The following GABBR2 variants were observed in gnomAD, a reference collection of about 807,000 sequenced individuals.
The protein encoded by GABBR2 is G-protein coupled receptor 51.
GABBR2 carries 23 observed loss-of-function variants against 105.6 expected under a neutral mutation model. That is an observed-to-expected ratio of 0.22 (90% CI 0.16 to 0.31). The LOEUF (loss-of-function observed/expected upper bound fraction) is 0.31. Among genes scored for constraint, GABBR2 ranks in the 10% least tolerant of loss-of-function variants. The pLI is 1.00. For synonymous variants in GABBR2, 478 were observed against 499.7 expected, an observed-to-expected ratio of 0.96 and a Z score of 0.58; for missense variants, 734 against 1,245.5, an observed-to-expected ratio of 0.59 and a Z score of 6.18.
chr9:98,357,747 A>G (rs1281723059), intron 13 of GABBR2, among the ~76,000 whole-genome samples: 2 of 152,202 alleles, frequency 1.3e-5, no homozygotes, highest in Non-Finnish European at 2.9e-5. Context: ...AATTTGAAGA[A>G]CAGAATTGCC....
At chr9:98,352,932 G>A (rs976920442) in intron 13 of GABBR2, among the ~76,000 whole-genome samples, 10 of 152,078 alleles carry the variant, frequency 6.6e-5, no homozygotes, top group African/African-American at 2.4e-4. Flanking sequence ...GGGCTTTTGG[G>A]CCCTAGAGCA....
Position 98,296,959 on chromosome 9 carries a change from C to T in GABBR2, c.2542+2265G>A, listed in dbSNP as rs144634577. ...GCATCAAACTGAGACAGGTCCTCCA[C>T]TCTCTGAGATTATTTTTTAAAAATT... is the stretch of plus-strand genomic sequence containing the variant. On this transcript the variant is annotated intron_variant, in intron 17 of 18. Transcript: ENST00000259455. Among the ~76,000 whole-genome samples, 183 of 152,228 alleles carry T rather than the reference C, an allele frequency of 1.2e-3. 1 individual carries two copies. The highest frequency in any genetic ancestry group is 4.1e-3 in the African/African-American group (169 of 41,536).
At chr9:98,530,969 G>C (rs1039293600) in intron 3 of GABBR2, among the ~76,000 whole-genome samples, 2 of 152,134 alleles carry the variant, frequency 1.3e-5, no homozygotes, top group South Asian at 4.1e-4. Context: ...TGGGAGCCTG[G>C]CCCGGGGCTG....
At chr9:98,586,264 T>C (rs1264102607) in intron 1 of GABBR2, among the ~76,000 whole-genome samples, 2 of 150,694 alleles carry the variant, frequency 1.3e-5, no homozygotes, top group African/African-American at 4.9e-5. Flanking sequence ...CATTTATCCT[T>C]CTTTTCTTCT....
intron 16 of GABBR2, among the ~76,000 whole-genome samples, chr9:98,301,688 G>A (rs1379403205): frequency 6.6e-6 from 1 of 152,234 alleles, no homozygotes; most frequent in Non-Finnish European, 1.5e-5. Flanking sequence ...GTTTTAAATA[G>A]TGGCCTGGGT....
At chr9:98,339,718 G>A (rs920062345) in intron 13 of GABBR2, among the ~76,000 whole-genome samples, 1 of 152,206 alleles carries the variant, frequency 6.6e-6, no homozygotes, top group Non-Finnish European at 1.5e-5. Flanking sequence ...TATTGAGTAT[G>A]TACTATGTGC....
At chr9:98,643,428 G>A (rs1829993852) in intron 1 of GABBR2, among the ~76,000 whole-genome samples, 1 of 152,258 alleles carries the variant, frequency 6.6e-6, no homozygotes, top group Admixed American at 6.5e-5. Flanking sequence ...CAGTTGCATA[G>A]TGGACATTCT....
chr9:98,371,563 G>A lies in GABBR2; in HGVS notation c.1671C>T (p.Thr557=). 1 of 1,599,442 alleles carries A rather than the reference G, an allele frequency of 6.3e-7. No homozygotes were observed. The highest frequency in any genetic ancestry group is 8.6e-7 in the Non-Finnish European group (1 of 1,166,710). The change falls in exon 12 of 19, where the codon ACC becomes ACT. Residue 557 remains threonine (T), a synonymous_variant. Transcript: ENST00000259455. ...KTFETLCTVR[T]WILTVGYTTA... ...TCGTGTAGCCCACGGTGAGAATCCA[G>A]GTCCTGACCTAGAGGCCATGAGAAA... is the stretch of plus-strand genomic sequence containing the variant.
intron 1 of GABBR2, among the ~76,000 whole-genome samples, chr9:98,654,133 A>G (rs1183403257): frequency 6.6e-6 from 1 of 152,240 alleles, no homozygotes; most frequent in Non-Finnish European, 1.5e-5. Context: ...ACAGAGCTAC[A>G]CACGATGAGG....
chr9:98,452,749 T>C (rs1252089119), intron 7 of GABBR2, among the ~76,000 whole-genome samples: 1 of 152,232 alleles, frequency 6.6e-6, no homozygotes, highest in Non-Finnish European at 1.5e-5. Flanking sequence ...TTTATATTAT[T>C]ATCCCCATTT....
chr9:98,320,988 T>C (rs1181108172), intron 13 of GABBR2, among the ~76,000 whole-genome samples: 1 of 151,732 alleles, frequency 6.6e-6, no homozygotes, highest in Non-Finnish European at 1.5e-5. Flanking sequence ...TAATACAAAA[T>C]AAATAAATAA....
At chr9:98,475,910 A>G (rs577767222) in intron 5 of GABBR2, among the ~76,000 whole-genome samples, 2 of 152,304 alleles carry the variant, frequency 1.3e-5, no homozygotes, top group South Asian at 4.1e-4. Flanking sequence ...TAAAAAATAC[A>G]AAAATTAGCT....
chr9:98,542,026 G>T lies in GABBR2; in HGVS notation c.477C>A (p.Thr159=), dbSNP rs150681816. The T allele has an allele frequency of 5.4e-5, 87 of 1,613,960 alleles. No individual in the cohort carries two copies. The highest frequency in any genetic ancestry group is 7.3e-5 in the Non-Finnish European group (86 of 1,179,958). The change falls in exon 3 of 19, where the codon ACC becomes ACA. Residue 159 remains threonine (T), a synonymous_variant. Coordinates refer to ENST00000259455, the MANE Select transcript of GABBR2 (RefSeq NM_005458.8). ...TTTTCTTATCGGCTAGAACAGGCGT[G>T]GTTGCAGCAAAAGAAAGCTGAAAAA... ...WNLVQLSFAA[T]TPVLADKKKY... is the part of the protein sequence containing the mutation.
In GABBR2 at chr9:98,436,331, T is replaced by C. The variant is rs12683007; in HGVS notation, c.1236+17650A>G. Among the ~76,000 whole-genome samples, 32 of 26,270 alleles carry C rather than the reference T, an allele frequency of 1.2e-3. 2 individuals carry two copies. The highest frequency in any genetic ancestry group is 2.0e-3 in the African/African-American group (11 of 5,450). 17.2% of individuals were successfully genotyped at this position (26,270 alleles called of 152,430 possible). On this transcript the variant is annotated intron_variant, in intron 7 of 18. Coordinates refer to ENST00000259455, the MANE Select transcript of GABBR2 (RefSeq NM_005458.8). ...CATAAATATACCATATATATATATA[T>C]ACACACACACACACACCATATATAT...
chr9:98,385,311 TCCC>T (rs1396236978), intron 11 of GABBR2, among the ~76,000 whole-genome samples: 1 of 152,112 alleles, frequency 6.6e-6, no homozygotes, highest in Non-Finnish European at 1.5e-5. Flanking sequence ...CAAGCAATCC[TCCC>T]TCCTCAGCCT....
intron 1 of GABBR2, among the ~76,000 whole-genome samples, chr9:98,648,112 T>TA (rs1290908248): frequency 0.038 from 1,886 of 49,734 alleles, 48 homozygotes; most frequent in African/African-American, 0.12. Context: ...TGTGTGTGTG[T>TA]GTGTATAGAT....
chr9:98,466,669 G>T (rs952423328), intron 6 of GABBR2, among the ~76,000 whole-genome samples: 2 of 152,192 alleles, frequency 1.3e-5, no homozygotes, highest in Non-Finnish European at 2.9e-5. Context: ...CTGTGAGAGA[G>T]ATATTATTAT....
At chr9:98,629,909 T>C (rs1260538462) in intron 1 of GABBR2, among the ~76,000 whole-genome samples, 1 of 152,220 alleles carries the variant, frequency 6.6e-6, no homozygotes, top group Non-Finnish European at 1.5e-5. Context: ...GATGAATATA[T>C]TAATATTACA....
chr9:98,490,674 G>A (rs1347928094), intron 4 of GABBR2, among the ~76,000 whole-genome samples: 2 of 152,146 alleles, frequency 1.3e-5, no homozygotes, highest in Admixed American at 6.5e-5. Flanking sequence ...CCAACAAATG[G>A]AAATATGAAT....
Sources: allele counts gnomAD v4.1 joint callset (sites outside exome capture counted in the v4.1 genomes callset), GRCh38; gene constraint gnomAD v4.1.1; transcripts MANE v1.5; gene names NCBI Gene and HGNC (gene_info 2026-07-23, HGNC 2026-07-21).